L3MBTL1: variants seen among roughly 807,000 people sequenced by gnomAD.
The protein encoded by L3MBTL1 is lethal(3)malignant brain tumor-like protein 1.
In L3MBTL1, 75 loss-of-function variants were observed where a neutral mutation model predicts 105.3. That is an observed-to-expected ratio of 0.71 (90% CI 0.59 to 0.86). The LOEUF is 0.86. L3MBTL1 is among the 40% of genes least tolerant of loss of function. The pLI is 0.00. For synonymous variants in L3MBTL1, 452 were observed against 436.2 expected, an observed-to-expected ratio of 1.04 and a Z score of -0.45; for missense variants, 1,069 against 1,126.4, an observed-to-expected ratio of 0.95 and a Z score of 0.73.
intron 19 of L3MBTL1, among the ~76,000 whole-genome samples, chr20:43,537,343 G>T (rs1388314706): frequency 6.6e-6 from 1 of 152,194 alleles, no homozygotes; most frequent in Non-Finnish European, 1.5e-5. Flanking sequence ...TTCCCTCCTT[G>T]GCTTGCAGAT....
In L3MBTL1 at chr20:43,532,912, C is replaced by CT. The variant is rs764925297; in HGVS notation, c.1426dup (p.Tyr476LeufsTer2). ...GTGCACTTTGACAACTGGGATGATACTTATGACTACTGGTAGTAGGAGGGC... is the reference window on the plus strand; with the variant it reads ...GTGCACTTTGACAACTGGGATGATACTTTATGACTACTGGTAGTAGGAGGGC... On this transcript the variant is annotated frameshift_variant, in exon 12 of 22. Transcript: ENST00000418998. LOFTEE classifies it high-confidence loss of function. 1 of 1,614,120 alleles carries CT rather than the reference C, an allele frequency of 6.2e-7. No homozygotes were observed. The highest frequency in any genetic ancestry group is 8.5e-7 in the Non-Finnish European group (1 of 1,180,004).
At chr20:43,540,051 A>T in intron 19 of L3MBTL1, 100 bp from the exon 20 acceptor site, 6 of 1,423,690 alleles carry the variant, frequency 4.2e-6, no homozygotes, top group Non-Finnish European at 4.9e-6. Flanking sequence ...AGTCCTGTCT[A>T]CTCTGCCAGC....
In L3MBTL1 at chr20:43,541,843, A is replaced by G; in HGVS notation, c.*715A>G. 1.0e-6 allele frequency: 1 copy of G among 985,344 alleles called. No homozygotes were observed. The highest frequency in any genetic ancestry group is 4.7e-5 in the South Asian group (1 of 21,292). 61.0% of individuals were successfully genotyped at this position (985,344 alleles called of 1,614,324 possible). A position where few individuals can be genotyped will look rare whatever the true frequency, so the allele number is the denominator to read the frequency against. The stretch of plus-strand genomic sequence containing the variant: ...ATATGTAGATCCAATCACTTTACCT[A>G]TACAAAATGACTGCTATGGTGGGAA... On this transcript the variant is annotated 3_prime_UTR_variant, in exon 22 of 22. Transcript: ENST00000418998.
chr20:43,528,587 CAG>C, intron 7 of L3MBTL1, 68 bp from the exon 8 acceptor site: 1 of 1,152,956 alleles, frequency 8.7e-7, no homozygotes, highest in Non-Finnish European at 1.3e-6. Flanking sequence ...AGAGCTTGGT[CAG>C]GGGAAGCCGA....
intron 1 of L3MBTL1, among the ~76,000 whole-genome samples, chr20:43,509,057 C>T (rs988782624): frequency 3.3e-5 from 5 of 152,190 alleles, no homozygotes; most frequent in African/African-American, 1.2e-4. Context: ...CTGAGTCCCC[C>T]CTCACTTCAT....
chr20:43,535,457 G>A (rs2019556999), intron 16 of L3MBTL1, among the ~76,000 whole-genome samples: 2 of 152,174 alleles, frequency 1.3e-5, no homozygotes, highest in Non-Finnish European at 2.9e-5. Flanking sequence ...CATAGGCAGA[G>A]CCTTAAAAAA....
chr20:43,533,162 A>G lies in L3MBTL1; in HGVS notation c.1437-180A>G, dbSNP rs182322112. 5.3e-5 allele frequency among the ~76,000 whole-genome samples: 8 copies of G among 152,104 alleles called. No individual in the cohort carries two copies. The East Asian group carries it at 1.5e-3, about 29-fold the overall frequency. ...CCCCTATGATTCATGATTTTCCCTT[A>G]GATATTATGGTGATGGTAGAGTTTG... On this transcript the variant is annotated intron_variant, in intron 12 of 21. Transcript: ENST00000418998.
At position 43,536,449 on chromosome 20, in the gene L3MBTL1, G is replaced by T. The variant is rs1057361356; in HGVS notation, c.2164G>T (p.Asp722Tyr). ...GAAGTATCGAAAGATTCCGCAGGAA[G>T]ATTTCCAGAGTAAGTCTGGGTTATC... ...PPKYRKIPQE[D>Y]FQTLTPDVVH... is the part of the protein sequence containing the mutation. The change falls in exon 19 of 22, where the codon GAT becomes TAT. Residue 722 changes from aspartate (D) to tyrosine (Y), a missense_variant. By Grantham distance (160) the Asp-to-Tyr change is radical. Transcript: ENST00000418998. 1 of 1,614,004 alleles carries T rather than the reference G, an allele frequency of 6.2e-7. No individual in the cohort carries two copies.
intron 7 of L3MBTL1, among the ~76,000 whole-genome samples, chr20:43,520,704 T>A (rs1404436231): frequency 6.6e-6 from 1 of 152,232 alleles, no homozygotes; most frequent in Non-Finnish European, 1.5e-5. Flanking sequence ...TTTGGAGAAA[T>A]GTCTATTCAG....
chr20:43,519,031 G>A (rs948354374), intron 7 of L3MBTL1, among the ~76,000 whole-genome samples: 2 of 148,280 alleles, frequency 1.3e-5, no homozygotes, highest in African/African-American at 5.0e-5. Context: ...GTCTCAGGGG[G>A]AAAAAAAAGA....
At chr20:43,533,317 A>T in intron 12 of L3MBTL1, 25 bp from the exon 13 acceptor site, 1 of 1,609,760 alleles carries the variant, frequency 6.2e-7, no homozygotes, top group South Asian at 1.1e-5. Context: ...TTCTCTTGGG[A>T]CAGTGACATG....
Position 43,541,264 on chromosome 20 carries a change from A to G in L3MBTL1, c.*136A>G, listed in dbSNP as rs1245815568. 6.9e-7 allele frequency: 1 copy of G among 1,441,126 alleles called. No individual in the cohort carries two copies. The highest frequency in any genetic ancestry group is 1.4e-5 in the African/African-American group (1 of 69,966). The allele number at this position is 1,441,126 out of a possible 1,614,324, so 89.3% of individuals were successfully genotyped here. On this transcript the variant is annotated 3_prime_UTR_variant, in exon 22 of 22. Transcript: ENST00000418998. ...AGCCAAGGAGTAGTGAGTTGTAGAT[A>G]AAAAAAGAATGTCAGCTTTGGAGAC...
chr20:43,530,677 A>T, intron 10 of L3MBTL1, 121 bp from the exon 11 acceptor site: 2 of 951,204 alleles, frequency 2.1e-6, no homozygotes. Flanking sequence ...TCCCTGGGCA[A>T]GTTCTTGAGG....
chr20:43,522,960 T>C (rs1333476313), intron 7 of L3MBTL1, among the ~76,000 whole-genome samples: 1 of 151,026 alleles, frequency 6.6e-6, no homozygotes, highest in East Asian at 2.0e-4. Flanking sequence ...AAAAAAAAAT[T>C]AGCTGGGCAT....
At chr20:43,507,803 C>T (rs1444154760) in intron 1 of L3MBTL1, 59 bp downstream of exon 1, 1 of 152,300 alleles carries the variant, frequency 6.6e-6, no homozygotes, top group African/African-American at 2.4e-5. Context: ...CGCGCCACCC[C>T]GCTCCGTCCA....
At chr20:43,517,629 A>G (rs6030931) in intron 7 of L3MBTL1, among the ~76,000 whole-genome samples, 58,609 of 152,034 alleles carry the variant, frequency 0.39, 11,815 homozygotes, top group African/African-American at 0.51. Context: ...GTATGGAATA[A>G]GTTCTCAATC....
chr20:43,538,585 G>A (rs1027665797), intron 19 of L3MBTL1, among the ~76,000 whole-genome samples: 5 of 152,136 alleles, frequency 3.3e-5, no homozygotes, highest in African/African-American at 1.2e-4. Context: ...AATTCCATAG[G>A]AAGATCTGCC....
At chr20:43,542,218 T>G (rs1331399755), downstream of L3MBTL1, among the ~76,000 whole-genome samples, 1 of 152,132 alleles carries the variant, frequency 6.6e-6, no homozygotes, top group Non-Finnish European at 1.5e-5. Flanking sequence ...TCAAAAAACA[T>G]AAAAAGAAAG....
At position 43,536,464 on chromosome 20, in the gene L3MBTL1, T is replaced by C; in HGVS notation, c.2173+6T>C. 1 of 1,613,870 alleles carries C rather than the reference T, an allele frequency of 6.2e-7. No homozygotes were observed. The highest frequency in any genetic ancestry group is 8.5e-7 in the Non-Finnish European group (1 of 1,180,004). The stretch of plus-strand genomic sequence containing the variant: ...TCCGCAGGAAGATTTCCAGAGTAAG[T>C]CTGGGTTATCTGCTCCTATGTCCTC... On this transcript the variant is annotated splice_donor_region_variant and intron_variant, in intron 19 of 21. Transcript: ENST00000418998.
Sources: gnomAD v4.1 joint callset for allele counts (sites outside exome capture counted in the v4.1 genomes callset) on GRCh38, gnomAD v4.1.1 for gene constraint, MANE v1.5 for transcripts, NCBI Gene and HGNC (gene_info 2026-07-23, HGNC 2026-07-21) for gene names.